Variants in ARID3A observed in about 807,000 individuals in gnomAD.
ARID3A encodes the protein AT-rich interaction domain 3A.
A neutral mutation model predicts 52.7 loss-of-function variants in ARID3A; 11 were observed. The observed-to-expected ratio is 0.21, with a 90% CI of 0.13 to 0.35. ARID3A has a LOEUF of 0.35. Ranked by LOEUF, ARID3A falls within the 10% of genes least tolerant of loss-of-function variation. The pLI is 1.00. For missense variants in ARID3A, 721 were observed against 838.5 expected (o/e 0.86, Z 1.73); for synonymous variants, 404 against 359.4 (o/e 1.12, Z -1.40).
At chr19:949,850 A>G (rs957095331) in intron 3 of ARID3A, among the ~76,000 whole-genome samples, 1 of 151,198 alleles carries the variant, frequency 6.6e-6, no homozygotes, top group African/African-American at 2.4e-5. Flanking sequence ...TAATTTTTGT[A>G]TTTTTAGTAG....
chr19:941,028 G>A lies in ARID3A; in HGVS notation c.693+8286G>A, dbSNP rs2037538875. On this transcript the variant is annotated intron_variant, in intron 3 of 8. Transcript: ENST00000263620. The surrounding 1 kb of genome is among the most constrained non-coding windows in gnomAD (Gnocchi z 6.9). ...TTATCTGGCCCCTGCGCCACCGCCT[G>A]GCCGTCGGGTCACCGCCGCGGGGTC... 6.6e-6 allele frequency among the ~76,000 whole-genome samples: 1 copy of A among 152,096 alleles called. No homozygotes were observed. The highest frequency in any genetic ancestry group is 2.4e-5 in the African/African-American group (1 of 41,436).
intron 4 of ARID3A, among the ~76,000 whole-genome samples, chr19:961,322 G>GCC (rs920621881): frequency 6.6e-6 from 1 of 152,100 alleles, no homozygotes; most frequent in African/African-American, 2.4e-5. Flanking sequence ...AGGGTTGTGG[G>GCC]CCCCCTGGCC....
At position 941,282 on chromosome 19, in the gene ARID3A, G is replaced by A. The variant is rs950201456; in HGVS notation, c.693+8540G>A. Reference sequence around the variant, plus strand: ...CGCTGGGGCTGTGGCCGGGCGGCTCGTGGGTCCTGTCTCGTGGGACCCTGC... The same window carrying A: ...CGCTGGGGCTGTGGCCGGGCGGCTCATGGGTCCTGTCTCGTGGGACCCTGC... On this transcript the variant is annotated intron_variant, in intron 3 of 8. Coordinates refer to ENST00000263620, the MANE Select transcript of ARID3A (RefSeq NM_005224.3). This position sits in a 1 kb window ranked among gnomAD's most constrained non-coding sequence, Gnocchi z 6.9. Among the ~76,000 whole-genome samples the A allele has an allele frequency of 2.0e-5, 3 of 152,238 alleles. No homozygotes were observed. The highest frequency in any genetic ancestry group is 2.1e-4 in the South Asian group (1 of 4,836).
intron 3 of ARID3A, among the ~76,000 whole-genome samples, chr19:948,870 C>T (rs1166703077): frequency 5.9e-5 from 9 of 151,968 alleles, no homozygotes; most frequent in South Asian, 2.1e-4. Flanking sequence ...CCACCACGCC[C>T]GGCTAATTTT....
chr19:971,952 A>G lies in ARID3A; in HGVS notation c.1669A>G (p.Ser557Gly), dbSNP rs752338179. Reference sequence around the variant, plus strand: ...CAAAGGAGGCGGCGGCGGCGGCGGCAGCAGCAGCAACGCAGGCGGCCGGGG... The same window carrying G: ...CAAAGGAGGCGGCGGCGGCGGCGGCGGCAGCAGCAACGCAGGCGGCCGGGG... ...PNKGGGGGGGSSSNAGGRGGN... is the reference protein window; with the variant it reads ...PNKGGGGGGGGSSNAGGRGGN... Residue 557 changes from serine to glycine, a missense_variant, in exon 9 of 9, where the codon AGC becomes GGC. This residue lies in a region of ARID3A where 297 missense variants were observed against 343.2 expected (regional missense o/e 0.87). Transcript: ENST00000263620. The G allele has an allele frequency of 6.9e-6, 11 of 1,596,814 alleles. No individual in the cohort carries two copies. In the East Asian group the frequency reaches 6.9e-5, roughly 10 times the overall value.
intron 4 of ARID3A, among the ~76,000 whole-genome samples, chr19:961,460 C>G (rs544757086): frequency 6.6e-6 from 1 of 152,220 alleles, no homozygotes; most frequent in African/African-American, 2.4e-5. Flanking sequence ...CCCACTGCCC[C>G]CTGTGAGGCT....
intron 3 of ARID3A, among the ~76,000 whole-genome samples, chr19:948,648 T>C (rs1308439629): frequency 4.6e-5 from 7 of 151,866 alleles, no homozygotes; most frequent in African/African-American, 1.2e-4. Flanking sequence ...GTCCAGCTGT[T>C]CATTCCTGGC....
chr19:950,979 C>T (rs952889737), intron 3 of ARID3A, among the ~76,000 whole-genome samples: 6 of 152,018 alleles, frequency 3.9e-5, no homozygotes, highest in African/African-American at 1.2e-4. Flanking sequence ...TGCACCACCA[C>T]GCCTGGCCTA....
intron 3 of ARID3A, chr19:956,509 G>A (rs2037920937): frequency 6.6e-6 from 1 of 152,414 alleles, no homozygotes; most frequent in African/African-American, 2.4e-5. Context: ...GTGTGGCCAT[G>A]TGTGCGTGCC....
intron 8 of ARID3A, among the ~76,000 whole-genome samples, chr19:969,870 T>G (rs1455716126): frequency 6.6e-6 from 1 of 151,338 alleles, no homozygotes; most frequent in Admixed American, 6.6e-5. Context: ...TTTTTGTATT[T>G]TTAGTAGAGA....
chr19:935,104 G>A (rs886936146), intron 3 of ARID3A, among the ~76,000 whole-genome samples: 2 of 152,194 alleles, frequency 1.3e-5, no homozygotes, highest in South Asian at 2.1e-4. Flanking sequence ...TTCCTGGCAC[G>A]TGGCAGGCCT....
intron 3 of ARID3A, among the ~76,000 whole-genome samples, chr19:946,386 C>T (rs545621017): frequency 3.4e-4 from 52 of 150,912 alleles, no homozygotes; most frequent in African/African-American, 1.2e-3. Flanking sequence ...CTTAGCCTCC[C>T]GAGTAGCTGG....
chr19:932,482 G>T lies in ARID3A; in HGVS notation c.433G>T (p.Glu145Ter). The T allele has an allele frequency of 6.4e-7, 1 of 1,571,220 alleles. No individual in the cohort carries two copies. Residue 145 changes from glutamate to a stop codon, truncating the protein, a stop_gained, in exon 3 of 9, where the codon GAG becomes TAG. Coordinates refer to ENST00000263620, the MANE Select transcript of ARID3A (RefSeq NM_005224.3). LOFTEE classifies it high-confidence loss of function. Reference sequence around the variant, plus strand: ...CGGGGAGGATGAGGAGGAGGAGGAGGAGGATTACGAGGATGAGGAGGAGGA... The same window carrying T: ...CGGGGAGGATGAGGAGGAGGAGGAGTAGGATTACGAGGATGAGGAGGAGGA... ...DLGEDEEEEE[E>*]DYEDEEEEED...
rs1220171155 is a variant in ARID3A at position 966,777 on chromosome 19, T to A, written c.1404T>A (p.Asp468Glu). The A allele has an allele frequency of 6.2e-7, 1 of 1,613,616 alleles. No individual in the cohort carries two copies. The change falls in exon 7 of 9, where the codon GAT becomes GAA. Residue 468 changes from aspartate (D) to glutamate (E), a missense_variant. Around this residue, in one of 5 missense-constraint regions of ARID3A, gnomAD observed 297 missense variants for 343.2 expected, o/e 0.87. Coordinates refer to ENST00000263620, the MANE Select transcript of ARID3A (RefSeq NM_005224.3). Reference protein sequence around the residue: ...PPEKKMALVADEQQRLMQRAL... With the variant: ...PPEKKMALVAEEQQRLMQRAL... ...AGAAGAAGATGGCCCTGGTGGCCGA[T>A]GAGCAGCAACGGCTGATGCAACGTG...
intron 3 of ARID3A, among the ~76,000 whole-genome samples, chr19:943,994 T>G (rs2037616690): frequency 1.3e-5 from 2 of 148,340 alleles, no homozygotes; most frequent in Non-Finnish European, 3.0e-5. Context: ...AGCCCGACCC[T>G]CTCATGGGCA....
intron 3 of ARID3A, among the ~76,000 whole-genome samples, chr19:949,245 C>T (rs1054223866): frequency 1.3e-5 from 2 of 152,164 alleles, no homozygotes; most frequent in Non-Finnish European, 2.9e-5. Flanking sequence ...CCCCTCCCAG[C>T]GGCGGCGTGG....
intron 4 of ARID3A, among the ~76,000 whole-genome samples, chr19:962,672 G>A (rs1377012762): frequency 6.6e-6 from 1 of 151,894 alleles, no homozygotes; most frequent in South Asian, 2.1e-4. Flanking sequence ...CCGCCACCAC[G>A]CCCGGCTAAT....
chr19:936,742 T>C (rs968836147), intron 3 of ARID3A, among the ~76,000 whole-genome samples: 4 of 152,118 alleles, frequency 2.6e-5, no homozygotes, highest in Non-Finnish European at 5.9e-5. Flanking sequence ...CTTGGGAGGC[T>C]GAGGCAGGGG....
rs762887115 is a variant in ARID3A, at chr19:971,824, C to G, written c.1595-54C>G. On this transcript the variant is annotated intron_variant, in intron 8 of 8. Coordinates refer to ENST00000263620, the MANE Select transcript of ARID3A (RefSeq NM_005224.3). ...ACCCCATTGGGTCTCCCTTGTGGCC[C>G]GCCTCGCATCTTCTTAAACTCTGCA... 54 of 1,537,394 alleles carry G rather than the reference C, an allele frequency of 3.5e-5. No homozygotes were observed. The African/African-American group carries it at 5.9e-4, about 17-fold the overall frequency.
Sources: gnomAD v4.1 joint callset for allele counts (sites outside exome capture counted in the v4.1 genomes callset) on GRCh38, gnomAD v4.1.1 for gene constraint, gnomAD v4.1.1 regional missense constraint, Gnocchi (gnomAD v3.1) non-coding constraint, MANE v1.5 for transcripts, NCBI Gene and HGNC (gene_info 2026-07-23, HGNC 2026-07-21) for gene names.